Variants in RORA observed in about 807,000 individuals in gnomAD.
RORA encodes nuclear receptor ROR-alpha.
Under a neutral mutation model 69.5 loss-of-function variants are expected in RORA, and 7 were observed. The observed-to-expected ratio is 0.10, with a 90% confidence interval of 0.06 to 0.19. RORA has a LOEUF of 0.19. Among genes scored for constraint, RORA ranks in the 10% least tolerant of loss-of-function variants. The probability of loss-of-function intolerance (pLI) is 1.00; values close to 1 mark genes in which losing one functional copy is unlikely to be tolerated. For synonymous variants in RORA, 261 were observed against 240.8 expected, an observed-to-expected ratio of 1.08 and a Z score of -0.78; for missense variants, 457 against 663.0, an observed-to-expected ratio of 0.69 and a Z score of 3.41.
chr15:60,973,248 G>A (rs887625987), intron 1 of RORA, among the ~76,000 whole-genome samples: 1 of 152,172 alleles, frequency 6.6e-6, no homozygotes, highest in Non-Finnish European at 1.5e-5. Flanking sequence ...GTCAGAGTGA[G>A]ATCTGTGAGA....
At chr15:60,507,974 C>G (rs16942648) in intron 5 of RORA, among the ~76,000 whole-genome samples, 1 of 152,134 alleles carries the variant, frequency 6.6e-6, no homozygotes, top group Admixed American at 6.5e-5. Flanking sequence ...TGCAGTGTAC[C>G]TGACATACCA....
At chr15:60,702,000 G>T (rs1195058828) in intron 1 of RORA, among the ~76,000 whole-genome samples, 1 of 152,176 alleles carries the variant, frequency 6.6e-6, no homozygotes, top group African/African-American at 2.4e-5. Context: ...GCTCTAAAAG[G>T]CAGTTTTCAC....
chr15:61,020,064 T>C (rs10851689), intron 1 of RORA, among the ~76,000 whole-genome samples: 150,278 of 152,342 alleles, frequency 0.99, 74,158 homozygotes, highest in Middle Eastern at 1. Flanking sequence ...CTGGACATCA[T>C]CACAGAACGT....
At chr15:61,146,491 C>A (rs1424226133) in intron 1 of RORA, among the ~76,000 whole-genome samples, 2 of 151,744 alleles carry the variant, frequency 1.3e-5, no homozygotes, top group African/African-American at 2.4e-5. Flanking sequence ...CACGCACACA[C>A]AGCAACTTTC....
At chr15:60,821,430 A>G (rs1294056453) in intron 1 of RORA, among the ~76,000 whole-genome samples, 2 of 152,180 alleles carry the variant, frequency 1.3e-5, no homozygotes, top group Admixed American at 6.5e-5. Flanking sequence ...TAGGGCTCGC[A>G]TTAAGAGCCT....
At chr15:60,950,603 G>A (rs1893061472) in intron 1 of RORA, among the ~76,000 whole-genome samples, 1 of 131,714 alleles carries the variant, frequency 7.6e-6, no homozygotes, top group South Asian at 2.9e-4. Flanking sequence ...GATCTACCAA[G>A]CAAATGGAAA....
intron 2 of RORA, among the ~76,000 whole-genome samples, chr15:60,541,773 C>T (rs533747054): frequency 2.6e-5 from 4 of 152,230 alleles, no homozygotes; most frequent in Middle Eastern, 3.4e-3. Context: ...CCCAAGAAAA[C>T]GAAATGTATA....
At chr15:60,884,735 C>T (rs1184354726) in intron 1 of RORA, among the ~76,000 whole-genome samples, 3 of 152,202 alleles carry the variant, frequency 2.0e-5, no homozygotes, top group Non-Finnish European at 2.9e-5. Context: ...CTCTTGCCTT[C>T]TTCATCCTCC....
In RORA at chr15:60,758,387, C is replaced by T. The variant is rs935697307; in HGVS notation, c.167-79701G>A. ...CAGTACCCATTTGTAACAAGTTACA[C>T]GTTTTGGCCAATAGTTCCACAATTT... On this transcript the variant is annotated intron_variant, in intron 1 of 10. Coordinates refer to ENST00000335670, the MANE Select transcript of RORA (RefSeq NM_134261.3). 9.2e-5 allele frequency among the ~76,000 whole-genome samples: 14 copies of T among 152,178 alleles called. No individual in the cohort carries two copies. In the East Asian group the frequency reaches 1.3e-3, roughly 15 times the overall value.
At chr15:61,104,349 A>C (rs571222364) in intron 1 of RORA, among the ~76,000 whole-genome samples, 1 of 152,338 alleles carries the variant, frequency 6.6e-6, no homozygotes. Flanking sequence ...AAACTCTGAC[A>C]AGTCTGTTGA....
In RORA at chr15:61,227,777, C is replaced by G. The variant is rs563715200; in HGVS notation, c.166+1276G>C. Among the ~76,000 whole-genome samples, 10 of 152,304 alleles carry G rather than the reference C, an allele frequency of 6.6e-5. No individual in the cohort carries two copies. In the South Asian group the frequency reaches 1.7e-3, roughly 25 times the overall value. ...AAGCCGGGGCTGGAGAAATCCTCTC[C>G]GTCCCCAGCTCCAGGCGGCTCGCGC... On this transcript the variant is annotated intron_variant, in intron 1 of 10. Transcript: ENST00000335670.
chr15:60,543,170 CTTTTTTTTTTTTTTTTTTTTTTTTTTT>C (rs200401959), intron 2 of RORA, among the ~76,000 whole-genome samples: 3,505 of 125,444 alleles, frequency 0.028, 236 homozygotes, highest in African/African-American at 0.14. Flanking sequence ...AAAGTGAAAA[CTTTTTTTTTTTTTTTTTTTTTTTTTTT>C]TTTTTTTTTT....
intron 2 of RORA, among the ~76,000 whole-genome samples, chr15:60,559,512 T>C (rs928246672): frequency 6.6e-6 from 1 of 152,232 alleles, no homozygotes; most frequent in South Asian, 2.1e-4. Context: ...GCTTGAACTT[T>C]GGGTCTCTGT....
intron 1 of RORA, among the ~76,000 whole-genome samples, chr15:61,197,917 G>T (rs1373748785): frequency 6.6e-6 from 1 of 152,092 alleles, no homozygotes; most frequent in Non-Finnish European, 1.5e-5. Context: ...AGGGAGGCTG[G>T]AGAGTGGTAC....
chr15:60,999,423 C>G (rs1390321879), intron 1 of RORA, among the ~76,000 whole-genome samples: 1 of 152,208 alleles, frequency 6.6e-6, no homozygotes, highest in African/African-American at 2.4e-5. Context: ...TGGAATCTGA[C>G]TCCTGCTAGC....
At chr15:60,645,734 G>C (rs1315474218) in intron 2 of RORA, among the ~76,000 whole-genome samples, 2 of 151,488 alleles carry the variant, frequency 1.3e-5, no homozygotes, top group Non-Finnish European at 2.9e-5. Context: ...TAATGTGAAG[G>C]AAGCCCATTA....
intron 1 of RORA, among the ~76,000 whole-genome samples, chr15:61,011,052 G>A (rs1007720753): frequency 2.0e-5 from 3 of 152,192 alleles, no homozygotes; most frequent in Non-Finnish European, 2.9e-5. Context: ...AGTCAAGTGC[G>A]AAGGCAAAGG....
At chr15:60,870,871 C>T (rs1373096317) in intron 1 of RORA, among the ~76,000 whole-genome samples, 3 of 152,218 alleles carry the variant, frequency 2.0e-5, no homozygotes, top group Non-Finnish European at 2.9e-5. Context: ...AAGTCCTAAT[C>T]CTATTGTTCT....
chr15:61,072,092 T>G (rs1258609857), intron 1 of RORA, among the ~76,000 whole-genome samples: 2 of 152,168 alleles, frequency 1.3e-5, no homozygotes, highest in African/African-American at 4.8e-5. Context: ...CACCAATTGC[T>G]CCCAATAGAA....
Sources: allele counts gnomAD v4.1 joint callset (sites outside exome capture counted in the v4.1 genomes callset), GRCh38; gene constraint gnomAD v4.1.1; transcripts MANE v1.5; gene names NCBI Gene and HGNC (gene_info 2026-07-23, HGNC 2026-07-21).